TMPRSS11D: variants seen among roughly 807,000 people sequenced by gnomAD.
TMPRSS11D encodes the protein transmembrane protease serine 11D.
A neutral mutation model predicts 44.4 loss-of-function variants in TMPRSS11D; 32 were observed. The observed-to-expected ratio is 0.72, with a 90% CI of 0.54 to 0.97. The LOEUF (loss-of-function observed/expected upper bound fraction) is 0.97, where lower values mean the gene tolerates loss of function less well. TMPRSS11D is among the 50% of genes least tolerant of loss of function. The pLI is 0.00. For synonymous variants in TMPRSS11D, 179 were observed against 177.9 expected (o/e 1.01, Z -0.05); for missense variants, 446 against 502.6 (o/e 0.89, Z 1.08).
chr4:67,855,335 T>C (rs550417452), intron 2 of TMPRSS11D, among the ~76,000 whole-genome samples: 5 of 150,434 alleles, frequency 3.3e-5, no homozygotes, highest in African/African-American at 9.8e-5. Flanking sequence ...TCAAACTGAA[T>C]CCAACAGCAT....
chr4:67,852,738 C>A (rs1718538568), intron 3 of TMPRSS11D, among the ~76,000 whole-genome samples: 1 of 152,092 alleles, frequency 6.6e-6, no homozygotes, highest in African/African-American at 2.4e-5. Context: ...AGGGTTAACA[C>A]TGGGGGAAAT....
chr4:67,867,835 G>T (rs1577829547), intron 1 of TMPRSS11D, among the ~76,000 whole-genome samples: 1 of 152,128 alleles, frequency 6.6e-6, no homozygotes, highest in Non-Finnish European at 1.5e-5. Flanking sequence ...TGGTGAGGAT[G>T]CAGAGAAAAG....
intron 3 of TMPRSS11D, among the ~76,000 whole-genome samples, chr4:67,843,104 C>CT (rs35756612): frequency 0.077 from 8,382 of 109,354 alleles, 322 homozygotes; most frequent in African/African-American, 0.11. Flanking sequence ...AAAGGGCAGT[C>CT]TTTTTTTTTT....
rs111818923 is a variant in TMPRSS11D at position 67,854,512 on chromosome 4, G to A, written c.131-326C>T. On this transcript the variant is annotated intron_variant, in intron 2 of 9. Coordinates refer to ENST00000283916, the MANE Select transcript of TMPRSS11D (RefSeq NM_004262.3). ...GTGTATTCATTCAGGAAATATTAAT[G>A]TATGTTTGTAATATACTATTATTTA... Among the ~76,000 whole-genome samples the A allele has an allele frequency of 7.0e-4, 107 of 152,102 alleles. 1 individual carries two copies. The highest frequency in any genetic ancestry group is 2.5e-3 in the African/African-American group (104 of 41,510).
intron 2 of TMPRSS11D, among the ~76,000 whole-genome samples, chr4:67,856,795 T>A (rs987240966): frequency 6.6e-6 from 1 of 151,176 alleles, no homozygotes; most frequent in East Asian, 1.9e-4. Context: ...TAAAAAAAAA[T>A]AAAAATTCCA....
At chr4:67,859,421 G>A in intron 2 of TMPRSS11D, 136 bp downstream of exon 2, 1 of 1,090,178 alleles carries the variant, frequency 9.2e-7, no homozygotes, top group Non-Finnish European at 1.3e-6. Context: ...TATATTTGGG[G>A]AAGAATTATA....
At chr4:67,842,689 C>G in intron 3 of TMPRSS11D, 64 bp from the exon 4 acceptor site, 2 of 1,429,978 alleles carry the variant, frequency 1.4e-6, no homozygotes, top group Non-Finnish European at 1.9e-6. Context: ...TTCCTCTCAA[C>G]CTTGCAACAT....
intron 3 of TMPRSS11D, among the ~76,000 whole-genome samples, chr4:67,845,289 A>C (rs896348079): frequency 6.6e-5 from 10 of 152,222 alleles, no homozygotes; most frequent in Admixed American, 5.2e-4. Context: ...ACCAACTCTC[A>C]TTAGAACTTA....
Position 67,822,298 on chromosome 4 carries a change from C to T in TMPRSS11D, c.*39G>A. ...AGCTTTGGAATTTAAGACAGGCACA[C>T]CTGCATACAGACTTTGCAACAGGGA... On this transcript the variant is annotated 3_prime_UTR_variant, in exon 10 of 10. Coordinates refer to ENST00000283916, the MANE Select transcript of TMPRSS11D (RefSeq NM_004262.3). The T allele has an allele frequency of 3.1e-6, 5 of 1,603,334 alleles. No individual in the cohort carries two copies. The highest frequency in any genetic ancestry group is 4.3e-6 in the Non-Finnish European group (5 of 1,171,808).
At chr4:67,850,738 T>C (rs1301217229) in intron 3 of TMPRSS11D, among the ~76,000 whole-genome samples, 1 of 152,214 alleles carries the variant, frequency 6.6e-6, no homozygotes, top group Non-Finnish European at 1.5e-5. Flanking sequence ...AGTGTGGGTG[T>C]GCACTTGCGT....
intron 2 of TMPRSS11D, among the ~76,000 whole-genome samples, chr4:67,858,615 T>C (rs1279401271): frequency 1.3e-5 from 2 of 152,160 alleles, no homozygotes; most frequent in Admixed American, 6.6e-5. Flanking sequence ...CTGTTTACAA[T>C]TGGACATACT....
Position 67,865,166 on chromosome 4 carries a change from A to G in TMPRSS11D, c.9-5488T>C, listed in dbSNP as rs144012768. Among the ~76,000 whole-genome samples the G allele has an allele frequency of 6.3e-3, 955 of 151,998 alleles. 12 individuals carry two copies. The highest frequency in any genetic ancestry group is 0.022 in the African/African-American group (913 of 41,550). On this transcript the variant is annotated intron_variant, in intron 1 of 9. Coordinates refer to ENST00000283916, the MANE Select transcript of TMPRSS11D (RefSeq NM_004262.3). ...AAAAAATCAAAATCATATTTGATAT[A>G]TTCTCAAATTACAATGGTCTACAAC... is the stretch of plus-strand genomic sequence containing the variant.
chr4:67,873,184 G>C (rs566554018), intron 1 of TMPRSS11D, among the ~76,000 whole-genome samples: 1 of 152,122 alleles, frequency 6.6e-6, no homozygotes, highest in Non-Finnish European at 1.5e-5. Flanking sequence ...TCTGTAGCCC[G>C]AACTGATGAA....
intron 5 of TMPRSS11D, among the ~76,000 whole-genome samples, chr4:67,836,554 A>AT (rs956037216): frequency 6.6e-6 from 1 of 152,108 alleles, no homozygotes; most frequent in Non-Finnish European, 1.5e-5. Context: ...GCCATTCTTA[A>AT]TTTTTTGAAC....
chr4:67,870,511 C>G (rs972663142), intron 1 of TMPRSS11D, among the ~76,000 whole-genome samples: 5 of 152,160 alleles, frequency 3.3e-5, no homozygotes, highest in African/African-American at 7.2e-5. Context: ...TTGCTGACTA[C>G]TCTATTAAAA....
At chr4:67,871,864 T>C (rs1021106863) in intron 1 of TMPRSS11D, among the ~76,000 whole-genome samples, 1 of 152,150 alleles carries the variant, frequency 6.6e-6, no homozygotes, top group African/African-American at 2.4e-5. Flanking sequence ...TCTGGAACTT[T>C]ATGATGCTAA....
intron 7 of TMPRSS11D, among the ~76,000 whole-genome samples, chr4:67,831,879 T>C (rs1300826525): frequency 6.6e-6 from 1 of 152,128 alleles, no homozygotes; most frequent in Admixed American, 6.6e-5. Context: ...TTGAAATAAT[T>C]TGGGATTTCC....
chr4:67,827,538 C>T lies in TMPRSS11D; in HGVS notation c.693-18G>A, dbSNP rs1300163776. The T allele has an allele frequency of 1.3e-6, 2 of 1,571,058 alleles. No individual in the cohort carries two copies. Among genetic ancestry groups the T allele is most frequent in the Non-Finnish European group, 1.7e-6 (2 of 1,159,292 alleles). The stretch of plus-strand genomic sequence containing the variant: ...TAGAGTTGCTAAAACATTATGAAAA[C>T]ATGCTATATGAGTAGGGAATTTGTG... On this transcript the variant is annotated intron_variant, in intron 7 of 9. Coordinates refer to ENST00000283916, the MANE Select transcript of TMPRSS11D (RefSeq NM_004262.3).
chr4:67,878,889 G>A (rs1413560358), intron 1 of TMPRSS11D, among the ~76,000 whole-genome samples: 1 of 152,106 alleles, frequency 6.6e-6, no homozygotes, highest in Non-Finnish European at 1.5e-5. Context: ...TTGCACCACT[G>A]CACTCCAGCC....
Sources: gnomAD v4.1 joint callset for allele counts (sites outside exome capture counted in the v4.1 genomes callset) on GRCh38, gnomAD v4.1.1 for gene constraint, MANE v1.5 for transcripts, NCBI Gene and HGNC (gene_info 2026-07-23, HGNC 2026-07-21) for gene names.